Variants in TENM3 observed in about 807,000 individuals in gnomAD.
TENM3 encodes the protein teneurin transmembrane protein 3.
TENM3 carries 63 observed loss-of-function variants against 255.1 expected under a neutral mutation model. The ratio of observed to expected loss-of-function variants is 0.25; its 90% confidence interval spans 0.20 to 0.30. The LOEUF (loss-of-function observed/expected upper bound fraction) is 0.30. Among genes scored for constraint, TENM3 ranks in the 10% least tolerant of loss-of-function variants. The probability of loss-of-function intolerance (pLI) is 1.00; values close to 1 mark genes in which losing one functional copy is unlikely to be tolerated. For synonymous variants in TENM3, 1,306 were observed against 1,322.3 expected, an observed-to-expected ratio of 0.99 and a Z score of 0.27; for missense variants, 2,929 against 3,461.1, an observed-to-expected ratio of 0.85 and a Z score of 3.86.
Position 182,629,039 on chromosome 4 carries a change from TATTTTCAGTA to T in TENM3, c.988+159_988+168del, listed in dbSNP as rs1208093901. On this transcript the variant is annotated intron_variant, in intron 5 of 27. Coordinates refer to ENST00000511685, the MANE Select transcript of TENM3 (RefSeq NM_001080477.4). ...TAATAATGTATCATAAATCACAGAG[TATTTTCAGTA>T]ATTTTCAGCAAATTTAGATACATAG... 1.4e-5 allele frequency: 9 copies of T among 631,630 alleles called. No homozygotes were observed. In the Admixed American group the frequency reaches 1.8e-4, roughly 13 times the overall value. 39.1% of individuals were successfully genotyped at this position (631,630 alleles called of 1,614,324 possible). A position where few individuals can be genotyped will look rare whatever the true frequency, so the allele number is the denominator to read the frequency against.
At chr4:181,938,226 T>C in the TENM3 span, among the ~76,000 whole-genome samples, 2 of 152,280 alleles carry the variant, frequency 1.3e-5, no homozygotes, top group South Asian at 2.1e-4. Flanking sequence ...GTCTTTATTA[T>C]ATAGATGAGA....
the TENM3 span, among the ~76,000 whole-genome samples, chr4:181,676,644 T>C: frequency 6.6e-6 from 1 of 152,128 alleles, no homozygotes; most frequent in South Asian, 2.1e-4. Context: ...AAGGAATCCC[T>C]TTCTAACTAT....
chr4:182,008,984 G>A, the TENM3 span, among the ~76,000 whole-genome samples: 1 of 151,990 alleles, frequency 6.6e-6, no homozygotes, highest in African/African-American at 2.4e-5. Context: ...CAATAGTCAG[G>A]TCCCTCTTCT....
chr4:181,665,157 G>T, the TENM3 span, among the ~76,000 whole-genome samples: 1 of 152,034 alleles, frequency 6.6e-6, no homozygotes. Context: ...GGCTTGTGAG[G>T]GTGCATACCC....
At chr4:182,008,947 C>T in the TENM3 span, among the ~76,000 whole-genome samples, 1 of 152,110 alleles carries the variant, frequency 6.6e-6, no homozygotes, top group Non-Finnish European at 1.5e-5. Context: ...GCTATTGTTA[C>T]TGCTTTCTGC....
chr4:181,572,096 A>C, the TENM3 span, among the ~76,000 whole-genome samples: 1 of 152,338 alleles, frequency 6.6e-6, no homozygotes, highest in African/African-American at 2.4e-5. Context: ...CTGTTCTGAT[A>C]AAATATGAAA....
chr4:182,647,387 C>T (rs1307963019), intron 5 of TENM3, among the ~76,000 whole-genome samples: 1 of 152,164 alleles, frequency 6.6e-6, no homozygotes, highest in Non-Finnish European at 1.5e-5. Context: ...TTTCTCCATC[C>T]TCCCAAACCC....
At position 182,738,383 on chromosome 4, in the gene TENM3, G is replaced by A. The variant is rs1761336208; in HGVS notation, c.3236-18G>A. On this transcript the variant is annotated intron_variant, in intron 17 of 27. Coordinates refer to ENST00000511685, the MANE Select transcript of TENM3 (RefSeq NM_001080477.4). ...CCCAGTCGTTGGAAAGATGAGCTGT[G>A]ATTTGTTTGGATTCCAGTGTCAGTT... 1 of 1,576,754 alleles carries A rather than the reference G, an allele frequency of 6.3e-7. No individual in the cohort carries two copies. Among genetic ancestry groups the A allele is most frequent in the African/African-American group, 1.4e-5 (1 of 73,372 alleles).
At chr4:181,624,037 G>T in the TENM3 span, among the ~76,000 whole-genome samples, 5 of 152,154 alleles carry the variant, frequency 3.3e-5, no homozygotes, top group African/African-American at 1.2e-4. Context: ...TTGATATTCT[G>T]AGCAAATTTG....
the TENM3 span, among the ~76,000 whole-genome samples, chr4:181,547,959 G>A: frequency 1.3e-3 from 184 of 142,156 alleles, 1 homozygote; most frequent in African/African-American, 4.6e-3. Context: ...TCCCTCCCCC[G>A]TCCCCCCACC....
At chr4:181,558,483 G>A in the TENM3 span, among the ~76,000 whole-genome samples, 13 of 152,124 alleles carry the variant, frequency 8.5e-5, no homozygotes, top group African/African-American at 2.7e-4. Flanking sequence ...TATTCAATAC[G>A]GGATTATAAA....
intron 3 of TENM3, among the ~76,000 whole-genome samples, chr4:182,443,833 C>A (rs967038905): frequency 3.3e-5 from 5 of 152,164 alleles, no homozygotes; most frequent in Admixed American, 2.6e-4. Context: ...AGGACCAGTG[C>A]TTTTGGCAAG....
chr4:182,362,442 C>A (rs1308322331), intron 3 of TENM3, among the ~76,000 whole-genome samples: 2 of 151,882 alleles, frequency 1.3e-5, no homozygotes, highest in Non-Finnish European at 1.5e-5. Context: ...GCCCCTCCCC[C>A]AGCCTCACTG....
At chr4:182,305,458 C>G (rs558434722) in intron 1 of TENM3, among the ~76,000 whole-genome samples, 40 of 152,218 alleles carry the variant, frequency 2.6e-4, no homozygotes, top group African/African-American at 8.2e-4. Context: ...ATTTGTTGAA[C>G]AAGAAAACTA....
At chr4:182,415,941 A>C (rs1770328639) in intron 3 of TENM3, among the ~76,000 whole-genome samples, 1 of 152,216 alleles carries the variant, frequency 6.6e-6, no homozygotes, top group Admixed American at 6.5e-5. Context: ...GACACCTTAT[A>C]ATAAATTCAA....
At chr4:182,110,426 G>A in the TENM3 span, among the ~76,000 whole-genome samples, 1 of 152,064 alleles carries the variant, frequency 6.6e-6, no homozygotes, top group Admixed American at 6.5e-5. Context: ...CCAGGCTCAA[G>A]TGATCCTCCC....
intron 13 of TENM3, among the ~76,000 whole-genome samples, 181 bp downstream of exon 13, chr4:182,714,414 G>A (rs1307142459): frequency 6.7e-6 from 1 of 149,760 alleles, no homozygotes; most frequent in African/African-American, 2.5e-5. Flanking sequence ...CATTTTTCCT[G>A]AAACAAATGC....
intron 2 of TENM3, among the ~76,000 whole-genome samples, chr4:182,342,448 G>A (rs966483075): frequency 2.0e-5 from 3 of 152,030 alleles, no homozygotes; most frequent in African/African-American, 7.2e-5. Context: ...ATGAGTGGTT[G>A]CCTAGGGCTG....
chr4:181,780,345 G>T, the TENM3 span, among the ~76,000 whole-genome samples: 2 of 152,220 alleles, frequency 1.3e-5, no homozygotes, highest in South Asian at 4.1e-4. Flanking sequence ...GGTGTGAGAT[G>T]GTATCTCATT....
Sources: gnomAD v4.1 joint callset for allele counts (sites outside exome capture counted in the v4.1 genomes callset) on GRCh38, gnomAD v4.1.1 for gene constraint, MANE v1.5 for transcripts, NCBI Gene and HGNC (gene_info 2026-07-23, HGNC 2026-07-21) for gene names.